The following DUSP22 variants were observed in gnomAD, a reference collection of about 807,000 sequenced individuals.
DUSP22 encodes the protein dual specificity protein phosphatase 22.
In DUSP22, 24 loss-of-function variants were observed where a neutral mutation model predicts 24.5. That is an observed-to-expected ratio of 0.98 (90% CI 0.71 to 1.38). DUSP22 has a LOEUF of 1.38. DUSP22 is among the 40% of genes most tolerant of loss of function. The pLI, the probability that DUSP22 is intolerant of heterozygous loss-of-function variation, is 0.00. For missense variants in DUSP22, 330 were observed against 269.2 expected (o/e 1.23, Z -1.58); for synonymous variants, 160 against 106.4 (o/e 1.50, Z -3.10).
chr6:307,501 G>A (rs150644587), intron 2 of DUSP22, among the ~76,000 whole-genome samples: 2 of 152,290 alleles, frequency 1.3e-5, no homozygotes, highest in Non-Finnish European at 2.9e-5. Flanking sequence ...TCTGGAGCCC[G>A]GTCTTTGGGT....
Position 320,861 on chromosome 6 carries a change from G to A in DUSP22, c.138+8899G>A, listed in dbSNP as rs1194686913. 3.3e-5 allele frequency among the ~76,000 whole-genome samples: 5 copies of A among 152,422 alleles called. No homozygotes were observed. In the East Asian group the frequency reaches 9.6e-4, roughly 29 times the overall value. On this transcript the variant is annotated intron_variant, in intron 3 of 6. Coordinates refer to ENST00000419235, the MANE Select transcript of DUSP22 (RefSeq NM_001286555.3). ...TTCAGTTCTCCTTTTGGCTACGTTG[G>A]AAGTTGTTACTCCTCCAGACTCAGC... is the stretch of plus-strand genomic sequence containing the variant.
chr6:302,237 C>T (rs546311760), intron 1 of DUSP22, among the ~76,000 whole-genome samples: 11 of 152,426 alleles, frequency 7.2e-5, no homozygotes, highest in East Asian at 1.9e-4. Flanking sequence ...TAAGTTAAAA[C>T]GCGTAAGATC....
At chr6:308,776 T>G (rs555021234) in intron 2 of DUSP22, among the ~76,000 whole-genome samples, 1 of 152,310 alleles carries the variant, frequency 6.6e-6, no homozygotes, top group African/African-American at 2.4e-5. Context: ...GTCCGTATTA[T>G]GGTATGTGAA....
At chr6:303,181 G>T (rs1757663449) in intron 1 of DUSP22, among the ~76,000 whole-genome samples, 1 of 152,308 alleles carries the variant, frequency 6.6e-6, no homozygotes. Flanking sequence ...GCTCTGTGCA[G>T]TCAAGCATTG....
At chr6:337,794 C>G (rs759927468) in intron 4 of DUSP22, among the ~76,000 whole-genome samples, 1 of 152,302 alleles carries the variant, frequency 6.6e-6, no homozygotes, top group African/African-American at 2.4e-5. Context: ...TTAATTAGTT[C>G]TCTCCTATCC....
chr6:313,648 A>G (rs1020150107), intron 3 of DUSP22, among the ~76,000 whole-genome samples: 1 of 152,298 alleles, frequency 6.6e-6, no homozygotes, highest in African/African-American at 2.4e-5. Context: ...ACCCTATTGT[A>G]GTCTCCGGGT....
chr6:346,512 G>T (rs959036811), intron 5 of DUSP22, among the ~76,000 whole-genome samples: 1 of 152,294 alleles, frequency 6.6e-6, no homozygotes, highest in Non-Finnish European at 1.5e-5. Flanking sequence ...CATCTGAAGC[G>T]CTTGGCAGTG....
intron 4 of DUSP22, among the ~76,000 whole-genome samples, chr6:343,184 A>T (rs1351043959): frequency 1.3e-5 from 2 of 152,292 alleles, no homozygotes. Flanking sequence ...ATCTGGGTGC[A>T]GGTATTCTGC....
intron 4 of DUSP22, among the ~76,000 whole-genome samples, chr6:340,603 G>A (rs1373182979): frequency 6.6e-6 from 1 of 152,304 alleles, no homozygotes; most frequent in African/African-American, 2.4e-5. Context: ...ATATAAGGAT[G>A]CTTGCCTTTT....
intron 4 of DUSP22, among the ~76,000 whole-genome samples, chr6:341,298 A>C (rs538398056): frequency 6.6e-6 from 1 of 152,306 alleles, no homozygotes; most frequent in Admixed American, 6.5e-5. Context: ...GAGCAGGAAC[A>C]GGGAACTTGT....
At chr6:302,194 T>G (rs1287424782) in intron 1 of DUSP22, among the ~76,000 whole-genome samples, 7 of 152,414 alleles carry the variant, frequency 4.6e-5, no homozygotes, top group Non-Finnish European at 8.8e-5. Context: ...CAGCTGTACC[T>G]TTCCTGTTTT....
chr6:316,769 A>G (rs995219331), intron 3 of DUSP22, among the ~76,000 whole-genome samples: 3 of 152,310 alleles, frequency 2.0e-5, no homozygotes, highest in African/African-American at 4.8e-5. Context: ...AAGTTTTAAG[A>G]AGTATTCTCA....
chr6:345,440 C>T (rs1233068959), intron 4 of DUSP22, among the ~76,000 whole-genome samples: 2 of 152,302 alleles, frequency 1.3e-5, no homozygotes, highest in African/African-American at 2.4e-5. Context: ...GAGCTCCTGA[C>T]CTCAAGTGAT....
chr6:329,846 A>G (rs899795801), intron 3 of DUSP22, among the ~76,000 whole-genome samples: 24 of 152,336 alleles, frequency 1.6e-4, no homozygotes, highest in Non-Finnish European at 3.2e-4. Flanking sequence ...GTTTCTCATC[A>G]TAGTGTTACA....
chr6:347,553 A>G (rs2127422732), intron 5 of DUSP22, among the ~76,000 whole-genome samples: 1 of 152,424 alleles, frequency 6.6e-6, no homozygotes, highest in South Asian at 2.1e-4. Flanking sequence ...CACCCTGCGG[A>G]CACAGTGTGC....
At chr6:308,746 G>GA (rs1298820498) in intron 2 of DUSP22, among the ~76,000 whole-genome samples, 1 of 152,310 alleles carries the variant, frequency 6.6e-6, no homozygotes, top group Non-Finnish European at 1.5e-5. Flanking sequence ...TGAAACCATT[G>GA]AATCATATAC....
chr6:308,419 T>A (rs987913665), intron 2 of DUSP22, among the ~76,000 whole-genome samples: 1 of 152,296 alleles, frequency 6.6e-6, no homozygotes, highest in Non-Finnish European at 1.5e-5. Context: ...CCCAGCAGGT[T>A]TGATTAAGCA....
At chr6:304,312 G>A (rs1034640898) in intron 1 of DUSP22, among the ~76,000 whole-genome samples, 11 of 152,312 alleles carry the variant, frequency 7.2e-5, no homozygotes, top group South Asian at 6.2e-4. Context: ...CTGCAGGGCC[G>A]CCAGGGCTGT....
intron 5 of DUSP22, 109 bp downstream of exon 5, chr6:346,037 T>C: frequency 7.2e-7 from 1 of 1,382,738 alleles, no homozygotes; most frequent in Admixed American, 2.0e-5. Flanking sequence ...AATAGTTTTC[T>C]GTAAACCCTG....
Sources: gnomAD v4.1 joint callset for allele counts (sites outside exome capture counted in the v4.1 genomes callset) on GRCh38, gnomAD v4.1.1 for gene constraint, MANE v1.5 for transcripts, NCBI Gene and HGNC (gene_info 2026-07-23, HGNC 2026-07-21) for gene names.